The following ARHGAP8 variants were observed in gnomAD, a reference collection of about 807,000 sequenced individuals.
ARHGAP8 encodes the protein Rho GTPase activating protein 8.
In ARHGAP8, 62 loss-of-function variants were observed where a neutral mutation model predicts 46.1. The ratio of observed to expected loss-of-function variants is 1.34; its 90% CI spans 1.10 to 1.66. ARHGAP8 has a LOEUF of 1.66. Among genes scored for constraint, ARHGAP8 ranks in the 40% most tolerant of loss-of-function variants. The pLI is 0.00. For synonymous variants in ARHGAP8, 375 were observed against 243.1 expected (o/e 1.54, Z -5.05); for missense variants, 923 against 568.4 (o/e 1.62, Z -6.34).
intron 1 of ARHGAP8, among the ~76,000 whole-genome samples, chr22:44,756,819 A>G (rs890328683): frequency 2.6e-5 from 4 of 152,022 alleles, no homozygotes; most frequent in Non-Finnish European, 4.4e-5. Context: ...TGATGTTTTG[A>G]TATATGTATG....
At chr22:44,812,329 C>T (rs547666635) in intron 4 of ARHGAP8, among the ~76,000 whole-genome samples, 219 of 151,742 alleles carry the variant, frequency 1.4e-3, no homozygotes, top group African/African-American at 5.0e-3. Context: ...CCGCCCCGCC[C>T]CTCCTCTCAG....
chr22:44,808,209 C>T (rs1929068164), intron 3 of ARHGAP8, 98 bp from the exon 4 acceptor site: 1 of 1,532,908 alleles, frequency 6.5e-7, no homozygotes, highest in South Asian at 1.3e-5. Flanking sequence ...GGTGCTGGCA[C>T]CTACTGGGTG....
At chr22:44,800,372 C>A (rs370324141) in intron 2 of ARHGAP8, among the ~76,000 whole-genome samples, 1 of 150,622 alleles carries the variant, frequency 6.6e-6, no homozygotes, top group Admixed American at 6.6e-5. Flanking sequence ...TCCCAAAGTA[C>A]TGGGATTACA....
At position 44,859,469 on chromosome 22, in the gene ARHGAP8, C is replaced by G. The variant is rs145692853; in HGVS notation, c.878-262C>G. Among the ~76,000 whole-genome samples, 383 of 152,270 alleles carry G rather than the reference C, an allele frequency of 2.5e-3. 6 individuals carry two copies. In the East Asian group the frequency reaches 0.042, roughly 17 times the overall value. ...TCCAGAAGCTGAACAGGTGCTGGTGCCATGCTTGTACAGCCTGTAGAACCA... is the reference window on the plus strand; with the variant it reads ...TCCAGAAGCTGAACAGGTGCTGGTGGCATGCTTGTACAGCCTGTAGAACCA... On this transcript the variant is annotated intron_variant, in intron 10 of 11. Transcript: ENST00000356099.
rs1927925013 is a variant in ARHGAP8, at chr22:44,794,353, AG to A, written c.80-7722del. 3.3e-5 allele frequency among the ~76,000 whole-genome samples: 5 copies of A among 152,346 alleles called. No individual in the cohort carries two copies. In the South Asian group the frequency reaches 1.0e-3, roughly 32 times the overall value. On this transcript the variant is annotated intron_variant, in intron 2 of 11. Transcript: ENST00000356099. ...CCCAGCTCAGCCAGGGATTGGGCAG[AG>A]GAAGAGATTCTACCCTGGCAGGCTG...
intron 7 of ARHGAP8, among the ~76,000 whole-genome samples, chr22:44,834,843 TA>T (rs136670): frequency 0.96 from 145,793 of 152,232 alleles, 69,866 homozygotes; most frequent in African/African-American, 0.97. Flanking sequence ...TGCATGATGA[TA>T]AAAAAAATGT....
intron 3 of ARHGAP8, among the ~76,000 whole-genome samples, chr22:44,802,993 T>A (rs911654804): frequency 2.0e-5 from 3 of 152,020 alleles, no homozygotes; most frequent in Non-Finnish European, 4.4e-5. Context: ...GGCCTGCTGC[T>A]GCTGCTGCTG....
intron 2 of ARHGAP8, among the ~76,000 whole-genome samples, chr22:44,800,578 T>C (rs1391257294): frequency 9.5e-5 from 12 of 126,688 alleles, no homozygotes; most frequent in Admixed American, 9.0e-4. Flanking sequence ...TCCCCGCAGC[T>C]GTCCATGTGT....
chr22:44,823,408 G>C (rs190531399), intron 6 of ARHGAP8, among the ~76,000 whole-genome samples: 27 of 152,284 alleles, frequency 1.8e-4, no homozygotes, highest in Admixed American at 1.8e-3. Context: ...TTCCAGCAGA[G>C]GGAAGCCCTC....
At chr22:44,782,171 C>T (rs1040314490) in intron 1 of ARHGAP8, among the ~76,000 whole-genome samples, 2 of 151,968 alleles carry the variant, frequency 1.3e-5, no homozygotes, top group African/African-American at 2.4e-5. Context: ...CCCATCTCTA[C>T]TAAAAATACA....
chr22:44,859,495 T>G (rs553313838), intron 10 of ARHGAP8, among the ~76,000 whole-genome samples: 8 of 152,198 alleles, frequency 5.3e-5, no homozygotes, highest in Non-Finnish European at 4.4e-5. Flanking sequence ...TGTAGAACCA[T>G]GAGCCAGTTA....
chr22:44,755,094 G>A (rs1924563596), intron 1 of ARHGAP8, among the ~76,000 whole-genome samples: 1 of 152,220 alleles, frequency 6.6e-6, no homozygotes, highest in South Asian at 2.1e-4. Flanking sequence ...TTGGCTGCCT[G>A]ACTCCTTGCT....
Position 44,848,372 on chromosome 22 carries a change from C to G in ARHGAP8, c.748+322C>G, listed in dbSNP as rs570183936. ...GTGCAGGGAAGCTGGTTTTTTTTAT[C>G]TGGCAGCTCCCCCGAATTGGCTCAG... On this transcript the variant is annotated intron_variant, in intron 9 of 11. Coordinates refer to ENST00000356099, the MANE Select transcript of ARHGAP8 (RefSeq NM_181335.3). 1.6e-3 allele frequency among the ~76,000 whole-genome samples: 250 copies of G among 151,696 alleles called. 1 individual carries two copies. The highest frequency in any genetic ancestry group is 5.6e-3 in the African/African-American group (230 of 41,326).
At chr22:44,775,121 G>A (rs569781758) in intron 1 of ARHGAP8, among the ~76,000 whole-genome samples, 56 of 151,988 alleles carry the variant, frequency 3.7e-4, no homozygotes, top group Non-Finnish European at 6.6e-4. Flanking sequence ...CACGAGCCAC[G>A]GTGTGCAGCC....
chr22:44,857,971 A>G (rs983627360), intron 10 of ARHGAP8, among the ~76,000 whole-genome samples: 3 of 151,986 alleles, frequency 2.0e-5, no homozygotes, highest in Non-Finnish European at 4.4e-5. Flanking sequence ...CTGCACCAGT[A>G]CCCACTTGGG....
intron 1 of ARHGAP8, among the ~76,000 whole-genome samples, chr22:44,769,202 C>T (rs1925822693): frequency 6.6e-6 from 1 of 152,178 alleles, no homozygotes; most frequent in African/African-American, 2.4e-5. Context: ...ATCCTGTTCT[C>T]CATCATCTTT....
chr22:44,855,220 A>C (rs966740939), intron 10 of ARHGAP8, among the ~76,000 whole-genome samples: 1 of 151,918 alleles, frequency 6.6e-6, no homozygotes, highest in Non-Finnish European at 1.5e-5. Flanking sequence ...AAAGAAAAAA[A>C]GAATTTTTTT....
At chr22:44,852,927 C>T (rs1056259189) in intron 10 of ARHGAP8, among the ~76,000 whole-genome samples, 1 of 152,124 alleles carries the variant, frequency 6.6e-6, no homozygotes, top group African/African-American at 2.4e-5. Context: ...CCCAGCCTGC[C>T]GAGTAGCTGG....
chr22:44,861,216 C>T (rs1415575080), intron 11 of ARHGAP8, among the ~76,000 whole-genome samples: 2 of 152,150 alleles, frequency 1.3e-5, no homozygotes, highest in Non-Finnish European at 2.9e-5. Flanking sequence ...AGGTGATCCA[C>T]CTGCCTCGGC....
Sources: gnomAD v4.1 joint callset for allele counts (sites outside exome capture counted in the v4.1 genomes callset) on GRCh38, gnomAD v4.1.1 for gene constraint, MANE v1.5 for transcripts, NCBI Gene and HGNC (gene_info 2026-07-23, HGNC 2026-07-21) for gene names.